The following CARD8 variants were observed in gnomAD, a reference collection of about 807,000 sequenced individuals.
The protein encoded by CARD8 is caspase recruitment domain-containing protein 8.
A neutral mutation model predicts 53.2 loss-of-function variants in CARD8; 38 were observed. The observed-to-expected ratio is 0.71, with a 90% CI of 0.55 to 0.94. CARD8 has a LOEUF of 0.94. CARD8 is among the 40% of genes least tolerant of loss of function. The pLI is 0.00. For synonymous variants in CARD8, 245 were observed against 244.9 expected (o/e 1.00, Z 0.00); for missense variants, 561 against 655.5 (o/e 0.86, Z 1.57).
In CARD8 at chr19:48,210,983, AC is replaced by A. The variant is rs564951279; in HGVS notation, c.*726del. 13 of 152,410 alleles carry A rather than the reference AC, an allele frequency of 8.5e-5. No individual in the cohort carries two copies. Among genetic ancestry groups the A allele is most frequent in the Admixed American group, 4.6e-4 (7 of 15,300 alleles). The allele number at this position is 152,410 out of a possible 1,614,324, so 9.4% of individuals were successfully genotyped here. ...TGTCTGTCTCAGAATAAGCTGAATTACCCTCATTTTCTTTTTGGTGGTTCTG... is the reference window on the plus strand; with the variant it reads ...TGTCTGTCTCAGAATAAGCTGAATTACCTCATTTTCTTTTTGGTGGTTCTG... On this transcript the variant is annotated 3_prime_UTR_variant, in exon 14 of 14. Coordinates refer to ENST00000651546, the MANE Select transcript of CARD8 (RefSeq NM_001184900.3).
chr19:48,218,923 C>T lies in CARD8; in HGVS notation c.1251G>A (p.Glu417=), dbSNP rs10500299. ...AAGTCCCATGTCTTTTTTCAGTAAT[C>T]TCAAGTTGAATGGGTTCCTTCATCT... ...AGQMKEPIQL[E]ITEKRHGTLV... Residue 417 remains glutamate, a synonymous_variant, in exon 12 of 14, where the codon GAG becomes GAA. Coordinates refer to ENST00000651546, the MANE Select transcript of CARD8 (RefSeq NM_001184900.3). 0.28 allele frequency: 452,313 copies of T among 1,613,144 alleles called. 64,965 individuals are homozygous for T. Among genetic ancestry groups the T allele is most frequent in the Admixed American group, 0.38 (22,812 of 59,972 alleles).
At chr19:48,248,409 G>A (rs2046455300) in intron 3 of CARD8, among the ~76,000 whole-genome samples, 1 of 152,188 alleles carries the variant, frequency 6.6e-6, no homozygotes, top group East Asian at 1.9e-4. Flanking sequence ...TTGACATATT[G>A]AAGAAACAAA....
At chr19:48,241,241 T>C (rs1413215906) in intron 3 of CARD8, among the ~76,000 whole-genome samples, 178 bp from the exon 4 acceptor site, 2 of 152,030 alleles carry the variant, frequency 1.3e-5, no homozygotes, top group Non-Finnish European at 2.9e-5. Context: ...ACAGGAGAGT[T>C]GTAAAACAGA....
chr19:48,231,659 C>A lies in CARD8; in HGVS notation c.542+1G>T. 6.3e-7 allele frequency: 1 copy of A among 1,591,538 alleles called. No homozygotes were observed. The highest frequency in any genetic ancestry group is 1.7e-4 in the Middle Eastern group (1 of 5,930). On this transcript the variant is annotated splice_donor_variant, in intron 8 of 13. Transcript: ENST00000651546. LOFTEE classifies it high-confidence loss of function. ...AAATCATCAGCATCTTCCATTCTTA[C>A]CTGTATCTGTTTGTGCTCTTATCAA...
At chr19:48,241,795 T>C (rs2045161868) in intron 3 of CARD8, among the ~76,000 whole-genome samples, 2 of 152,254 alleles carry the variant, frequency 1.3e-5, no homozygotes, top group South Asian at 2.1e-4. Context: ...GGCTCTGCTA[T>C]GACATTTTTT....
At chr19:48,254,505 C>G (rs957054263) in intron 1 of CARD8, among the ~76,000 whole-genome samples, 3 of 152,154 alleles carry the variant, frequency 2.0e-5, no homozygotes, top group African/African-American at 7.2e-5. Flanking sequence ...GTAATCCCAG[C>G]ACTTTGGGAG....
At chr19:48,214,033 G>C (rs1341956763) in intron 13 of CARD8, among the ~76,000 whole-genome samples, 2 of 152,158 alleles carry the variant, frequency 1.3e-5, no homozygotes, top group Non-Finnish European at 2.9e-5. Flanking sequence ...GAGTTCCCCA[G>C]ACGCAAGATA....
Position 48,242,821 on chromosome 19 carries a change from C to T in CARD8, c.-43-1758G>A, listed in dbSNP as rs577370628. Among the ~76,000 whole-genome samples the T allele has an allele frequency of 3.3e-5, 5 of 152,230 alleles. No homozygotes were observed. In the East Asian group the frequency reaches 9.7e-4, roughly 29 times the overall value. On this transcript the variant is annotated intron_variant, in intron 3 of 13. Transcript: ENST00000651546. ...AAAGCGCCAATTTCCGTGCTCGCTTCGGCAGCACATATACCAAAGCGCCAA... is the reference window on the plus strand; with the variant it reads ...AAAGCGCCAATTTCCGTGCTCGCTTTGGCAGCACATATACCAAAGCGCCAA...
rs2037847474 is a variant in CARD8 at position 48,210,777 on chromosome 19, C to T, written c.*933G>A. 1 of 152,222 alleles carries T rather than the reference C, an allele frequency of 6.6e-6. No individual in the cohort carries two copies. The allele number at this position is 152,222 out of a possible 1,614,324, so 9.4% of individuals were successfully genotyped here. A position where few individuals can be genotyped will look rare whatever the true frequency, so the allele number is the denominator to read the frequency against. On this transcript the variant is annotated 3_prime_UTR_variant, in exon 14 of 14. Coordinates refer to ENST00000651546, the MANE Select transcript of CARD8 (RefSeq NM_001184900.3). Reference sequence around the variant, plus strand: ...CAAAATACACCATAAAAAAAACTGACTCAACCAGATGGTGTCTACTAGGAA... The same window carrying T: ...CAAAATACACCATAAAAAAAACTGATTCAACCAGATGGTGTCTACTAGGAA...
At chr19:48,207,428 C>G (rs1225607868), downstream of CARD8, among the ~76,000 whole-genome samples, 1 of 152,070 alleles carries the variant, frequency 6.6e-6, no homozygotes, top group Non-Finnish European at 1.5e-5. Context: ...ATATACTCAC[C>G]AGTAGTAGGC....
At chr19:48,229,289 A>G (rs1224297710) in intron 10 of CARD8, among the ~76,000 whole-genome samples, 1 of 152,230 alleles carries the variant, frequency 6.6e-6, no homozygotes, top group Non-Finnish European at 1.5e-5. Context: ...TAGTATATCA[A>G]TAAGGTATGA....
At chr19:48,248,044 T>A (rs1012798178) in intron 3 of CARD8, among the ~76,000 whole-genome samples, 1 of 152,196 alleles carries the variant, frequency 6.6e-6, no homozygotes, top group Non-Finnish European at 1.5e-5. Context: ...AATTATTTCA[T>A]GAAAACCAAA....
intron 10 of CARD8, among the ~76,000 whole-genome samples, chr19:48,229,647 G>A (rs558511826): frequency 1.3e-5 from 2 of 152,294 alleles, no homozygotes; most frequent in East Asian, 3.9e-4. Flanking sequence ...CTTTATCCAG[G>A]TGCACAGCAG....
intron 12 of CARD8, among the ~76,000 whole-genome samples, chr19:48,217,178 C>T (rs1191124658): frequency 6.6e-6 from 1 of 152,136 alleles, no homozygotes; most frequent in Non-Finnish European, 1.5e-5. Flanking sequence ...GATGAAGCTT[C>T]GCCTGCTCAC....
Position 48,208,828 on chromosome 19 carries a change from A to ATT in CARD8, c.*2881_*2882insAA, listed in dbSNP as rs1252432023. The ATT allele has an allele frequency of 4.1e-5, 6 of 144,772 alleles. No homozygotes were observed. The highest frequency in any genetic ancestry group is 2.2e-4 in the South Asian group (1 of 4,452). The allele number at this position is 144,772 out of a possible 1,614,324, so 9.0% of individuals were successfully genotyped here. A position where few individuals can be genotyped will look rare whatever the true frequency, so the allele number is the denominator to read the frequency against. ...CTGTCTCTACTAAAAATATTTTTAA[A>ATT]AAAAAATTAGCCGGGCGTGTTGGCA... On this transcript the variant is annotated 3_prime_UTR_variant, in exon 14 of 14. Transcript: ENST00000651546.
intron 10 of CARD8, chr19:48,223,791 C>A (rs935545315): frequency 2.2e-6 from 1 of 454,166 alleles, no homozygotes; most frequent in Non-Finnish European, 4.4e-6. Context: ...TTTCCTATAG[C>A]ATTCCATGTA....
intron 3 of CARD8, among the ~76,000 whole-genome samples, chr19:48,244,006 C>T (rs1356285046): frequency 6.6e-6 from 1 of 152,042 alleles, no homozygotes; most frequent in African/African-American, 2.4e-5. Context: ...TTAGTTACAC[C>T]TGTATTAGGA....
At chr19:48,236,125 C>T (rs1229601178) in intron 5 of CARD8, among the ~76,000 whole-genome samples, 1 of 152,242 alleles carries the variant, frequency 6.6e-6, no homozygotes, top group African/African-American at 2.4e-5. Flanking sequence ...CTCTATTGGA[C>T]AGCATTGACT....
chr19:48,206,540 G>T (rs532017232), downstream of CARD8: 67 of 460,416 alleles, frequency 1.5e-4, no homozygotes, highest in South Asian at 1.0e-3. Flanking sequence ...CAAGACAGAA[G>T]TCTCCACTTC....
Sources: allele counts gnomAD v4.1 joint callset (sites outside exome capture counted in the v4.1 genomes callset), GRCh38; gene constraint gnomAD v4.1.1; transcripts MANE v1.5; gene names NCBI Gene and HGNC (gene_info 2026-07-23, HGNC 2026-07-21).